MFSD8: variants seen among roughly 807,000 people sequenced by gnomAD.
MFSD8 encodes the protein major facilitator superfamily domain-containing protein 8.
In MFSD8, 55 loss-of-function variants were observed where a neutral mutation model predicts 66.4. The ratio of observed to expected loss-of-function variants is 0.83; its 90% confidence interval spans 0.67 to 1.04. MFSD8 has a LOEUF of 1.04. Ranked by LOEUF, MFSD8 falls within the 50% of genes least tolerant of loss-of-function variation. MFSD8 has a pLI of 0.00. For synonymous variants in MFSD8, 202 were observed against 212.8 expected (o/e 0.95, Z 0.44); for missense variants, 550 against 627.6 (o/e 0.88, Z 1.32).
In MFSD8 at chr4:127,921,737, A is replaced by G; in HGVS notation, c.1137T>C (p.Phe379=). Residue 379 remains phenylalanine (F), a synonymous_variant, in exon 11 of 12, where the codon TTT becomes TTC. Transcript: ENST00000641686. Reference sequence around the variant, plus strand: ...TCCAAAGACCAATAATAATTTCCCCAAATGTGGTATTAGGGATTGAATTAT... The same window carrying G: ...TCCAAAGACCAATAATAATTTCCCCGAATGTGGTATTAGGGATTGAATTAT... ...LHNNSIPNTT[F]GEIIIGLWKS... is the part of the protein sequence containing the mutation. 2 of 1,614,168 alleles carry G rather than the reference A, an allele frequency of 1.2e-6. No homozygotes were observed. The highest frequency in any genetic ancestry group is 2.2e-5 in the South Asian group (2 of 91,080).
At chr4:127,922,563 T>G (rs1736492347) in intron 9 of MFSD8, among the ~76,000 whole-genome samples, 1 of 151,756 alleles carries the variant, frequency 6.6e-6, no homozygotes, top group African/African-American at 2.4e-5. Context: ...AGGTCAAGGC[T>G]GCAATGAGCT....
At position 127,920,699 on chromosome 4, in the gene MFSD8, G is replaced by A; in HGVS notation, c.1488C>T (p.Ile496=). Residue 496 remains isoleucine (I), a synonymous_variant, in exon 12 of 12, where the codon ATC becomes ATT. Transcript: ENST00000641686. ...TTTTGTAAACCACTCCCAGGAGGGT[G>A]ATGGTGAGCACTATTATTCCACACA... ...SLVCGIIVLT[I]TLLGVVYKRL... 1 of 1,614,046 alleles carries A rather than the reference G, an allele frequency of 6.2e-7. No homozygotes were observed. The highest frequency in any genetic ancestry group is 8.5e-7 in the Non-Finnish European group (1 of 1,180,008).
chr4:127,938,121 A>G (rs1739373624), intron 7 of MFSD8, among the ~76,000 whole-genome samples: 1 of 152,234 alleles, frequency 6.6e-6, no homozygotes, highest in African/African-American at 2.4e-5. Flanking sequence ...CATACTTAAG[A>G]TAATAAAGAA....
intron 4 of MFSD8, among the ~76,000 whole-genome samples, chr4:127,942,615 G>A (rs1740378585): frequency 6.6e-6 from 1 of 151,494 alleles, no homozygotes; most frequent in African/African-American, 2.4e-5. Context: ...AGGATGCTGA[G>A]GTTGCAATGA....
At chr4:127,955,889 C>T (rs1415713317) in intron 2 of MFSD8, among the ~76,000 whole-genome samples, 3 of 151,984 alleles carry the variant, frequency 2.0e-5, no homozygotes, top group African/African-American at 7.3e-5. Flanking sequence ...GAGGCTGAGG[C>T]GGGCAGATCA....
chr4:127,928,265 C>T (rs1310361098), intron 9 of MFSD8, among the ~76,000 whole-genome samples: 1 of 151,936 alleles, frequency 6.6e-6, no homozygotes, highest in Non-Finnish European at 1.5e-5. Flanking sequence ...GCCACCACGC[C>T]CTGTATTTTT....
At chr4:127,956,500 GAA>G (rs781476965) in intron 2 of MFSD8, among the ~76,000 whole-genome samples, 17 of 104,206 alleles carry the variant, frequency 1.6e-4, no homozygotes, top group Middle Eastern at 6.4e-3. Flanking sequence ...ACTCCGTCTT[GAA>G]AAAAAAAAAA....
At chr4:127,938,457 C>A (rs1231567826) in intron 7 of MFSD8, among the ~76,000 whole-genome samples, 2 of 151,902 alleles carry the variant, frequency 1.3e-5, no homozygotes, top group Non-Finnish European at 2.9e-5. Context: ...GCGGCATGCG[C>A]CTGTAGTCCC....
At chr4:127,959,889 C>T (rs1743468120) in intron 1 of MFSD8, among the ~76,000 whole-genome samples, 1 of 152,136 alleles carries the variant, frequency 6.6e-6, no homozygotes, top group Non-Finnish European at 1.5e-5. Context: ...ATATTTATTA[C>T]ATTTTCTTAG....
At chr4:127,956,312 G>A (rs999289088) in intron 2 of MFSD8, among the ~76,000 whole-genome samples, 1 of 150,748 alleles carries the variant, frequency 6.6e-6, no homozygotes, top group Non-Finnish European at 1.5e-5. Flanking sequence ...AAGACATCCC[G>A]GCTAACACAG....
intron 9 of MFSD8, among the ~76,000 whole-genome samples, chr4:127,927,148 T>C (rs1427850691): frequency 6.6e-6 from 1 of 151,918 alleles, no homozygotes; most frequent in Non-Finnish European, 1.5e-5. Flanking sequence ...TAAGCTACAA[T>C]GCTCCGTAGG....
chr4:127,963,910 T>C (rs1270433593), intron 1 of MFSD8, among the ~76,000 whole-genome samples: 1 of 152,146 alleles, frequency 6.6e-6, no homozygotes, highest in East Asian at 1.9e-4. Context: ...ATCCCTGAGC[T>C]AGACACAAAG....
At position 127,940,010 on chromosome 4, in the gene MFSD8, A is replaced by C. The variant is rs906534222; in HGVS notation, c.554-13T>G. 1 of 1,606,646 alleles carries C rather than the reference A, an allele frequency of 6.2e-7. No individual in the cohort carries two copies. ...CAAGTCTGAAAAACTTATTAAGATA[A>C]AATTTTCACAGATGAATTATTATAT... is the stretch of plus-strand genomic sequence containing the variant. On this transcript the variant is annotated splice_polypyrimidine_tract_variant and intron_variant, in intron 5 of 11. Coordinates refer to ENST00000641686, the MANE Select transcript of MFSD8 (RefSeq NM_001371596.2).
Position 127,921,674 on chromosome 4 carries a change from A to C in MFSD8, c.1200T>G (p.Gly400=). The C allele has an allele frequency of 1.2e-6, 2 of 1,614,224 alleles. No individual in the cohort carries two copies. The highest frequency in any genetic ancestry group is 1.7e-6 in the Non-Finnish European group (2 of 1,180,030). The change falls in exon 11 of 12, where the codon GGT becomes GGG. Residue 400 remains glycine (G), a synonymous_variant. Coordinates refer to ENST00000641686, the MANE Select transcript of MFSD8 (RefSeq NM_001371596.2). ...PMEDDNERPT[G]CSIEQAWCLY... ...GGCACCAGGCTTGTTCAATCGAGCA[A>C]CCAGTTGGTCTTTCATTGTCATCTT...
At chr4:127,922,008 A>C in intron 9 of MFSD8, 45 bp from the exon 10 acceptor site, 1 of 1,474,702 alleles carries the variant, frequency 6.8e-7, no homozygotes, top group Non-Finnish European at 9.4e-7. Flanking sequence ...GAAACATTAT[A>C]ACATAGCTTC....
At chr4:127,954,175 T>C (rs1742488534) in intron 2 of MFSD8, among the ~76,000 whole-genome samples, 1 of 152,238 alleles carries the variant, frequency 6.6e-6, no homozygotes, top group South Asian at 2.1e-4. Flanking sequence ...TGAAAAGTTT[T>C]CCTCATGAAG....
rs1739365373 is a variant in MFSD8, at chr4:127,938,061, TA to T, written c.754+721del. On this transcript the variant is annotated intron_variant, in intron 7 of 11. Coordinates refer to ENST00000641686, the MANE Select transcript of MFSD8 (RefSeq NM_001371596.2). ...TCTAAAAGATGAAAATGTATATTTC[TA>T]AAGTATACCAAAACAACAAAAATAA... Among the ~76,000 whole-genome samples, 5 of 152,220 alleles carry T rather than the reference TA, an allele frequency of 3.3e-5. No individual in the cohort carries two copies. The South Asian group carries it at 1.0e-3, about 32-fold the overall frequency.
chr4:127,917,868 A>G lies in MFSD8; in HGVS notation c.*2762T>C, dbSNP rs1253102169. The G allele has an allele frequency of 6.6e-6, 1 of 152,258 alleles. No individual in the cohort carries two copies. The highest frequency in any genetic ancestry group is 2.4e-5 in the African/African-American group (1 of 41,472). The allele number at this position is 152,258 out of a possible 1,614,324, so 9.4% of individuals were successfully genotyped here. On this transcript the variant is annotated 3_prime_UTR_variant, in exon 12 of 12. Transcript: ENST00000641686. ...ATTCACAATGTAAAGTAGAAATTAA[A>G]TTACAAATAAGTCTTCAATGGTCAA...
intron 4 of MFSD8, among the ~76,000 whole-genome samples, chr4:127,942,498 C>A (rs1434624024): frequency 1.3e-5 from 2 of 151,978 alleles, no homozygotes; most frequent in Non-Finnish European, 2.9e-5. Context: ...GAGTTCAAGA[C>A]CAGCCTGGCC....
Sources: allele counts gnomAD v4.1 joint callset (sites outside exome capture counted in the v4.1 genomes callset), GRCh38; gene constraint gnomAD v4.1.1; transcripts MANE v1.5; gene names NCBI Gene and HGNC (gene_info 2026-07-23, HGNC 2026-07-21).